Variants in SNX29 observed in about 807,000 individuals in gnomAD.
SNX29 encodes sorting nexin 29.
A neutral mutation model predicts 102.1 loss-of-function variants in SNX29; 78 were observed. That is an observed-to-expected ratio of 0.76 (90% CI 0.64 to 0.92). SNX29 has a LOEUF of 0.92. SNX29 is among the 40% of genes least tolerant of loss of function. The pLI, the probability that SNX29 is intolerant of heterozygous loss-of-function variation, is 0.00. For synonymous variants in SNX29, 580 were observed against 414.5 expected, an observed-to-expected ratio of 1.40 and a Z score of -4.85; for missense variants, 1,280 against 1,061.7, an observed-to-expected ratio of 1.21 and a Z score of -2.86.
intron 20 of SNX29, among the ~76,000 whole-genome samples, chr16:12,561,770 C>A (rs557208768): frequency 1.3e-5 from 2 of 152,110 alleles, no homozygotes; most frequent in African/African-American, 4.8e-5. Context: ...AACACCAAAG[C>A]ACATGTCAGG....
In SNX29 at chr16:12,072,759, G is replaced by A. The variant is rs991250870; in HGVS notation, c.1319+3627G>A. ...GAAGGAATGGTACCAGTTCCTCCTT[G>A]TACCTGTCGTAGAATTCGGCTGTGA... On this transcript the variant is annotated intron_variant, in intron 10 of 20. Transcript: ENST00000566228. 7.2e-5 allele frequency among the ~76,000 whole-genome samples: 11 copies of A among 152,102 alleles called. 1 individual carries two copies. In the East Asian group the frequency reaches 1.4e-3, roughly 19 times the overall value.
At chr16:12,121,300 C>A (rs892770121) in intron 11 of SNX29, among the ~76,000 whole-genome samples, 11 of 152,230 alleles carry the variant, frequency 7.2e-5, no homozygotes, top group African/African-American at 2.7e-4. Context: ...GCTGTGAGGA[C>A]ACAGAACCCA....
intron 11 of SNX29, among the ~76,000 whole-genome samples, chr16:12,123,507 A>G (rs190795425): frequency 6.6e-6 from 1 of 152,314 alleles, no homozygotes; most frequent in Non-Finnish European, 1.5e-5. Context: ...ATATACATAT[A>G]CATCATATAC....
intron 11 of SNX29, among the ~76,000 whole-genome samples, chr16:12,104,422 G>C (rs1469827893): frequency 6.6e-6 from 1 of 152,124 alleles, no homozygotes; most frequent in East Asian, 1.9e-4. Context: ...TGGGCGTGGT[G>C]GTGCATGCCT....
chr16:12,109,024 A>T (rs1162736157), intron 11 of SNX29, among the ~76,000 whole-genome samples: 1 of 142,920 alleles, frequency 7.0e-6, no homozygotes. Context: ...GCTACTTGGG[A>T]GGCTAAGGCA....
At chr16:12,549,466 G>T (rs373690315) in intron 20 of SNX29, among the ~76,000 whole-genome samples, 48 of 148,696 alleles carry the variant, frequency 3.2e-4, no homozygotes, top group African/African-American at 1.2e-3. Flanking sequence ...TTGAACTCCA[G>T]CGTGGGCAAC....
intron 20 of SNX29, among the ~76,000 whole-genome samples, chr16:12,553,187 C>A (rs1173783416): frequency 6.6e-6 from 1 of 152,158 alleles, no homozygotes; most frequent in African/African-American, 2.4e-5. Context: ...AGTCAGTATA[C>A]AGCTGCAGTT....
chr16:12,081,430 G>A (rs2051871028), intron 11 of SNX29: 1 of 152,138 alleles, frequency 6.6e-6, no homozygotes, highest in Non-Finnish European at 1.5e-5. Flanking sequence ...CCTGCCATCA[G>A]GATGCTCTTT....
chr16:12,332,252 T>TTG (rs1189847872), intron 15 of SNX29, among the ~76,000 whole-genome samples: 7 of 151,844 alleles, frequency 4.6e-5, no homozygotes, highest in Admixed American at 1.3e-4. Context: ...TTGTGTGTGT[T>TTG]TGTGTGTGTG....
intron 17 of SNX29, 81 bp from the exon 18 acceptor site, chr16:12,403,367 T>C (rs2084036359): frequency 2.2e-6 from 3 of 1,391,108 alleles, no homozygotes; most frequent in Admixed American, 2.0e-5. Context: ...TAGAAAATTG[T>C]CTCCTTTCCT....
At chr16:11,983,235 ATTTTTTT>A (rs557542669) in intron 1 of SNX29, among the ~76,000 whole-genome samples, 50,824 of 129,580 alleles carry the variant, frequency 0.39, 9,969 homozygotes, top group Non-Finnish European at 0.48. Context: ...CTGGGTTACA[ATTTTTTT>A]TTTTTTTTTT....
intron 14 of SNX29, among the ~76,000 whole-genome samples, chr16:12,258,965 A>T (rs1033594456): frequency 6.6e-6 from 1 of 152,052 alleles, no homozygotes; most frequent in Non-Finnish European, 1.5e-5. Flanking sequence ...GTACAAAGAG[A>T]TCCTCCGTAG....
intron 13 of SNX29, among the ~76,000 whole-genome samples, chr16:12,159,313 G>C (rs2055683240): frequency 6.6e-6 from 1 of 152,214 alleles, no homozygotes; most frequent in Admixed American, 6.5e-5. Flanking sequence ...CGATGGCTCA[G>C]CACACTGTAT....
intron 19 of SNX29, among the ~76,000 whole-genome samples, chr16:12,483,924 A>G (rs2088097783): frequency 6.6e-6 from 1 of 152,234 alleles, no homozygotes; most frequent in African/African-American, 2.4e-5. Flanking sequence ...GGCCATGCCT[A>G]ATGCCCAGGG....
Position 12,143,631 on chromosome 16 carries a change from T to A in SNX29, c.1595+13873T>A, listed in dbSNP as rs139604392. Among the ~76,000 whole-genome samples the A allele has an allele frequency of 5.5e-3, 834 of 152,292 alleles. 10 individuals are homozygous for A. The highest frequency in any genetic ancestry group is 0.019 in the African/African-American group (791 of 41,544). On this transcript the variant is annotated intron_variant, in intron 13 of 20. Transcript: ENST00000566228. The stretch of plus-strand genomic sequence containing the variant: ...GATTGCATGTCAAGGGTTAAGCACA[T>A]TGAATACCCTGCGTAAGTACTGAGT...
intron 20 of SNX29, among the ~76,000 whole-genome samples, chr16:12,563,115 C>CA (rs1360211374): frequency 2.0e-5 from 3 of 151,914 alleles, no homozygotes; most frequent in Non-Finnish European, 4.4e-5. Context: ...AACAACAGAG[C>CA]CTAGGAAAGG....
At chr16:12,087,962 G>T (rs1331428560) in intron 11 of SNX29, 1 of 456,758 alleles carries the variant, frequency 2.2e-6, no homozygotes, top group Admixed American at 2.3e-5. Flanking sequence ...GTTGGGCAGT[G>T]GGTCCTCATG....
chr16:12,063,025 G>A (rs1420643028), intron 9 of SNX29, among the ~76,000 whole-genome samples: 2 of 152,206 alleles, frequency 1.3e-5, no homozygotes, highest in African/African-American at 4.8e-5. Flanking sequence ...GTGACAATGA[G>A]AGCCAGCATT....
intron 20 of SNX29, among the ~76,000 whole-genome samples, chr16:12,544,136 A>G (rs921114297): frequency 3.3e-5 from 5 of 152,184 alleles, no homozygotes; most frequent in African/African-American, 1.2e-4. Context: ...ATAACCCTAT[A>G]TTCACCGGCA....
Sources: gnomAD v4.1 joint callset for allele counts (sites outside exome capture counted in the v4.1 genomes callset) on GRCh38, gnomAD v4.1.1 for gene constraint, MANE v1.5 for transcripts, NCBI Gene and HGNC (gene_info 2026-07-23, HGNC 2026-07-21) for gene names.